GTPBP3: variants seen among roughly 807,000 people sequenced by gnomAD.
GTPBP3 encodes the protein 5-taurinomethyluridine-[tRNA] synthase subunit GTPB3, mitochondrial.
In GTPBP3, 35 loss-of-function variants were observed where a neutral mutation model predicts 42.0. The ratio of observed to expected loss-of-function variants is 0.83; its 90% CI spans 0.64 to 1.10. The LOEUF is 1.10. GTPBP3 is among the 50% of genes least tolerant of loss of function. The pLI is 0.00. For missense variants in GTPBP3, 691 were observed against 685.2 expected, an observed-to-expected ratio of 1.01 and a Z score of -0.09; for synonymous variants, 332 against 314.9, an observed-to-expected ratio of 1.05 and a Z score of -0.58.
intron 7 of GTPBP3, 118 bp downstream of exon 7, chr19:17,339,717 A>G: frequency 2.1e-6 from 2 of 950,648 alleles, no homozygotes; most frequent in Non-Finnish European, 1.5e-6. Flanking sequence ...CCTATCAAGC[A>G]TGGATCTCAG....
intron 7 of GTPBP3, among the ~76,000 whole-genome samples, chr19:17,340,505 C>T (rs1378311610): frequency 2.0e-5 from 3 of 151,884 alleles, no homozygotes; most frequent in Non-Finnish European, 4.4e-5. Flanking sequence ...TCTGTCCACC[C>T]CCTACATTCT....
chr19:17,341,849 G>C lies in GTPBP3; in HGVS notation c.*146G>C. The C allele has an allele frequency of 1.4e-6, 1 of 699,140 alleles. No homozygotes were observed. Among genetic ancestry groups the C allele is most frequent in the Admixed American group, 3.2e-5 (1 of 31,560 alleles). The allele number at this position is 699,140 out of a possible 1,614,324, so 43.3% of individuals were successfully genotyped here. ...TGAAGCAACACAGCTGAGAGGTAGT[G>C]AGATCCCTGCAGGGACTCCCTGGAG... On this transcript the variant is annotated 3_prime_UTR_variant, in exon 9 of 9. Coordinates refer to ENST00000324894, the MANE Select transcript of GTPBP3 (RefSeq NM_032620.4).
In GTPBP3 at chr19:17,338,399, G is replaced by A. The variant is rs759256754; in HGVS notation, c.336G>A (p.Glu112=). ...PQSFTGEDCV[E]FHVHGGPAVV... is the part of the protein sequence containing the mutation. ...GTTTCACCGGTGAGGACTGCGTGGAGTTCCACGTGCATGGAGGCCCGGCAG... is the reference window on the plus strand; with the variant it reads ...GTTTCACCGGTGAGGACTGCGTGGAATTCCACGTGCATGGAGGCCCGGCAG... Residue 112 remains glutamate, a synonymous_variant, in exon 3 of 9, where the codon GAG becomes GAA. Coordinates refer to ENST00000324894, the MANE Select transcript of GTPBP3 (RefSeq NM_032620.4). 25 of 1,614,070 alleles carry A rather than the reference G, an allele frequency of 1.5e-5. No homozygotes were observed. The highest frequency in any genetic ancestry group is 8.3e-5 in the Admixed American group (5 of 60,016).
At chr19:17,335,652 T>G (rs1260879696), upstream of GTPBP3, among the ~76,000 whole-genome samples, 1 of 152,210 alleles carries the variant, frequency 6.6e-6, no homozygotes, top group Non-Finnish European at 1.5e-5. Flanking sequence ...ATTGTTTATT[T>G]GAAATTCACA....
In GTPBP3 at chr19:17,338,719, G is replaced by T; in HGVS notation, c.569G>T (p.Gly190Val). 1.9e-6 allele frequency: 3 copies of T among 1,611,588 alleles called. No homozygotes were observed. Among genetic ancestry groups the T allele is most frequent in the Non-Finnish European group, 2.5e-6 (3 of 1,178,434 alleles). ...LDGELGHLCR[G>V]WAETLTKALA... ...GGAGAGCTGGGCCACCTCTGCCGTG[G>T]CTGGGCCGAGACCCTCACCAAAGCA... Residue 190 changes from glycine to valine, a missense_variant, in exon 4 of 9, where the codon GGC becomes GTC. Gly to Val is a moderately radical substitution (Grantham distance 109). Transcript: ENST00000324894.
chr19:17,339,735 GTTCTT>G, intron 7 of GTPBP3, 136 bp downstream of exon 7: 3 of 763,626 alleles, frequency 3.9e-6, no homozygotes, highest in Non-Finnish European at 5.7e-6. Context: ...CAGGGATTTG[GTTCTT>G]TTTTTTTTTT....
chr19:17,341,298 C>G lies in GTPBP3; in HGVS notation c.1229C>G (p.Ala410Gly). 6.2e-7 allele frequency: 1 copy of G among 1,603,458 alleles called. No homozygotes were observed. Among genetic ancestry groups the G allele is most frequent in the Non-Finnish European group, 8.5e-7 (1 of 1,178,922 alleles). The change falls in exon 8 of 9, where the codon GCG (alanine) becomes GGG (glycine). Residue 410 changes from alanine (A) to glycine (G), a missense_variant. Coordinates refer to ENST00000324894, the MANE Select transcript of GTPBP3 (RefSeq NM_032620.4). ...TGEGLDGLLE[A>G]LRKELAAVCG... ...GAGGGGCTGGACGGCCTCCTGGAGGCGCTGAGGAAGGAGCTAGCTGCAGTG... is the reference window on the plus strand; with the variant it reads ...GAGGGGCTGGACGGCCTCCTGGAGGGGCTGAGGAAGGAGCTAGCTGCAGTG...
chr19:17,337,203 TC>T (rs1271281673), upstream of GTPBP3: 3 of 173,644 alleles, frequency 1.7e-5, no homozygotes, highest in Non-Finnish European at 3.6e-5. Context: ...CGCACATAGG[TC>T]CTTGCCACGC....
chr19:17,339,618 G>A lies in GTPBP3; in HGVS notation c.974+19G>A, dbSNP rs2145703391. The A allele has an allele frequency of 6.3e-7, 1 of 1,576,186 alleles. No homozygotes were observed. Among genetic ancestry groups the A allele is most frequent in the African/African-American group, 1.3e-5 (1 of 74,198 alleles). On this transcript the variant is annotated intron_variant, in intron 7 of 8. Transcript: ENST00000324894. ...GGGAGAGGTGGGCGGACAGGGTGGTGATGGGAGGGGAACGCGGGGCCCTTT... is the reference window on the plus strand; with the variant it reads ...GGGAGAGGTGGGCGGACAGGGTGGTAATGGGAGGGGAACGCGGGGCCCTTT...
intron 4 of GTPBP3, 62 bp downstream of exon 4, chr19:17,338,803 G>C (rs779862664): frequency 6.5e-7 from 1 of 1,547,796 alleles, no homozygotes. Context: ...CCCTGCATGA[G>C]ACCCCCTCTC....
At chr19:17,339,365 C>A in intron 6 of GTPBP3, 69 bp from the exon 7 acceptor site, 1 of 1,590,546 alleles carries the variant, frequency 6.3e-7, no homozygotes, top group Admixed American at 1.7e-5. Context: ...TCCCTCCAGA[C>A]ATGGGGTAGA....
intron 4 of GTPBP3, 81 bp downstream of exon 4, chr19:17,338,822 A>G: frequency 6.5e-7 from 1 of 1,536,492 alleles, no homozygotes; most frequent in East Asian, 2.3e-5. Flanking sequence ...TCAATCCCGC[A>G]TTCATTCCCT....
upstream of GTPBP3, chr19:17,337,431 T>A: frequency 8.3e-7 from 1 of 1,211,338 alleles, no homozygotes; most frequent in Non-Finnish European, 1.0e-6. Context: ...CCGCTCTCCC[T>A]TGCACCAGCC....
upstream of GTPBP3, among the ~76,000 whole-genome samples, chr19:17,336,132 A>G (rs1386295397): frequency 1.4e-5 from 2 of 147,152 alleles, no homozygotes; most frequent in African/African-American, 5.0e-5. Flanking sequence ...GCTACTTGGG[A>G]GTCTGAGGCA....
At chr19:17,337,849 A>C in intron 1 of GTPBP3, 159 bp from the exon 2 acceptor site, 6 of 1,209,422 alleles carry the variant, frequency 5.0e-6, no homozygotes, top group Non-Finnish European at 6.8e-6. Context: ...CACAGTCCCT[A>C]ATCCGGTCAC....
At chr19:17,339,800 G>T (rs1162816363) in intron 7 of GTPBP3, among the ~76,000 whole-genome samples, 1 of 144,060 alleles carries the variant, frequency 6.9e-6, no homozygotes, top group Non-Finnish European at 1.5e-5. Context: ...AGGCTGGAGT[G>T]CAGTGGCGGT....
At chr19:17,337,818 A>G in intron 1 of GTPBP3, 154 bp downstream of exon 1, 4 of 1,198,282 alleles carry the variant, frequency 3.3e-6, no homozygotes, top group Non-Finnish European at 4.5e-6. Flanking sequence ...CAGAGCCCAT[A>G]TCTGGGTCTC....
Position 17,339,212 on chromosome 19 carries a change from G to T in GTPBP3, c.754G>T (p.Val252Leu), listed in dbSNP as rs370391378. The T allele has an allele frequency of 1.2e-6, 2 of 1,612,616 alleles. No individual in the cohort carries two copies. The highest frequency in any genetic ancestry group is 1.7e-6 in the Non-Finnish European group (2 of 1,179,924). Reference protein sequence around the residue: ...RGQRLRSGVHVVVTGPPNAGK... With the variant: ...RGQRLRSGVHLVVTGPPNAGK... The stretch of plus-strand genomic sequence containing the variant: ...GCAGAGGCTCCGCTCAGGGGTGCAC[G>T]TAGTGGTCACTGGACCCCCCAATGC... Residue 252 changes from valine to leucine, a missense_variant, in exon 6 of 9, where the codon GTA becomes TTA. Val to Leu is a conservative substitution (Grantham distance 32, BLOSUM62 1). Coordinates refer to ENST00000324894, the MANE Select transcript of GTPBP3 (RefSeq NM_032620.4).
chr19:17,337,405 A>G (rs1240550427), upstream of GTPBP3: 3 of 1,087,862 alleles, frequency 2.8e-6, no homozygotes, highest in East Asian at 3.2e-5. Flanking sequence ...ACCTACCTCC[A>G]TACCGCCTCC....
Sources: allele counts gnomAD v4.1 joint callset (sites outside exome capture counted in the v4.1 genomes callset), GRCh38; gene constraint gnomAD v4.1.1; transcripts MANE v1.5; gene names NCBI Gene and HGNC (gene_info 2026-07-23, HGNC 2026-07-21).